SCAPER: variants seen among roughly 807,000 people sequenced by gnomAD.
SCAPER encodes the protein S phase cyclin A-associated protein in the endoplasmic reticulum.
In SCAPER, 98 loss-of-function variants were observed where a neutral mutation model predicts 182.2. The observed-to-expected ratio is 0.54, with a 90% confidence interval of 0.46 to 0.64. The LOEUF is 0.64. Ranked by LOEUF, SCAPER falls within the 30% of genes least tolerant of loss-of-function variation. The pLI, the probability that SCAPER is intolerant of heterozygous loss-of-function variation, is 0.00. For missense variants in SCAPER, 1,432 were observed against 1,690.0 expected, an observed-to-expected ratio of 0.85 and a Z score of 2.68; for synonymous variants, 605 against 564.6, an observed-to-expected ratio of 1.07 and a Z score of -1.01.
intron 26 of SCAPER, among the ~76,000 whole-genome samples, chr15:76,425,585 T>C (rs1218556057): frequency 6.6e-6 from 1 of 152,180 alleles, no homozygotes; most frequent in African/African-American, 2.4e-5. Context: ...CTCTGAGAAG[T>C]TTGATTGTCT....
chr15:76,430,607 G>A (rs1452606210), intron 26 of SCAPER, among the ~76,000 whole-genome samples: 1 of 152,194 alleles, frequency 6.6e-6, no homozygotes, highest in Non-Finnish European at 1.5e-5. Flanking sequence ...CTTTGTTTTG[G>A]CCAATTTCCC....
At chr15:76,712,505 C>T (rs374692368) in intron 17 of SCAPER, among the ~76,000 whole-genome samples, 33 of 151,880 alleles carry the variant, frequency 2.2e-4, no homozygotes, top group South Asian at 4.2e-4. Flanking sequence ...GGGGATGGCA[C>T]TGAATCTATA....
intron 25 of SCAPER, among the ~76,000 whole-genome samples, chr15:76,448,381 G>A (rs1353840890): frequency 6.6e-6 from 1 of 151,980 alleles, no homozygotes; most frequent in East Asian, 1.9e-4. Context: ...AGGGAGGGAT[G>A]GTTTAACTTT....
At chr15:76,897,509 C>T (rs1043420251) in intron 1 of SCAPER, among the ~76,000 whole-genome samples, 1 of 152,104 alleles carries the variant, frequency 6.6e-6, no homozygotes, top group Non-Finnish European at 1.5e-5. Flanking sequence ...GGTTCAAGAC[C>T]AGCCTGGACA....
chr15:76,897,943 G>T (rs549036314), intron 1 of SCAPER, among the ~76,000 whole-genome samples: 2 of 151,938 alleles, frequency 1.3e-5, no homozygotes, highest in African/African-American at 4.8e-5. Context: ...AATAATAAAC[G>T]TAAGTAGGAG....
Position 76,574,155 on chromosome 15 carries a change from C to T in SCAPER, c.2838+3G>A, listed in dbSNP as rs1194281580. 1 of 1,598,286 alleles carries T rather than the reference C, an allele frequency of 6.3e-7. No homozygotes were observed. The highest frequency in any genetic ancestry group is 1.3e-5 in the African/African-American group (1 of 74,876). ...GTTCAAAAGCCAGATATTAGTTACA[C>T]ACCTCTTTTTCCAGTATTCTAGTGA... On this transcript the variant is annotated splice_donor_region_variant and intron_variant, in intron 23 of 31. Transcript: ENST00000563290.
intron 23 of SCAPER, among the ~76,000 whole-genome samples, chr15:76,560,594 TC>T (rs772805133): frequency 1.1e-4 from 17 of 152,154 alleles, no homozygotes; most frequent in Non-Finnish European, 2.5e-4. Context: ...CTTAACTGCT[TC>T]CCTAAATACC....
At chr15:76,425,901 A>G (rs1282970008) in intron 26 of SCAPER, among the ~76,000 whole-genome samples, 1 of 152,220 alleles carries the variant, frequency 6.6e-6, no homozygotes, top group Admixed American at 6.5e-5. Context: ...TTGCCTGGGT[A>G]TCAGCAGCGG....
intron 18 of SCAPER, among the ~76,000 whole-genome samples, chr15:76,705,591 A>T (rs2059219086): frequency 6.7e-6 from 1 of 150,360 alleles, no homozygotes; most frequent in Admixed American, 6.6e-5. Context: ...TAGGATGGTT[A>T]AAAAAAAACA....
At chr15:76,386,511 C>T (rs189155864) in intron 27 of SCAPER, among the ~76,000 whole-genome samples, 12 of 151,944 alleles carry the variant, frequency 7.9e-5, no homozygotes, top group African/African-American at 2.4e-4. Context: ...TAATATGTAA[C>T]GTATGGTGTG....
intron 22 of SCAPER, among the ~76,000 whole-genome samples, chr15:76,605,204 C>T (rs2050277215): frequency 6.6e-6 from 1 of 152,164 alleles, no homozygotes; most frequent in East Asian, 1.9e-4. Context: ...CCCATCAATA[C>T]CTAACTTATT....
chr15:76,874,999 T>C (rs868849652), intron 2 of SCAPER, among the ~76,000 whole-genome samples: 16 of 152,140 alleles, frequency 1.1e-4, no homozygotes, highest in African/African-American at 3.1e-4. Context: ...TTAAGTAACA[T>C]TGTAGCAATG....
At chr15:76,749,079 C>A (rs992230483) in intron 15 of SCAPER, among the ~76,000 whole-genome samples, 2 of 151,884 alleles carry the variant, frequency 1.3e-5, no homozygotes, top group African/African-American at 4.8e-5. Flanking sequence ...CTACAGAACA[C>A]CCTCGGTCAT....
chr15:76,798,653 A>G (rs1314243859), intron 7 of SCAPER, among the ~76,000 whole-genome samples: 1 of 152,220 alleles, frequency 6.6e-6, no homozygotes, highest in African/African-American at 2.4e-5. Flanking sequence ...CAATCTTGAA[A>G]GAATCAAGAG....
intron 20 of SCAPER, among the ~76,000 whole-genome samples, chr15:76,667,966 A>C (rs1025430875): frequency 2.6e-5 from 4 of 152,038 alleles, no homozygotes; most frequent in African/African-American, 9.7e-5. Context: ...GTCTTTAAAA[A>C]AAAAACAAAA....
chr15:76,375,856 T>C (rs1177758218), intron 29 of SCAPER, among the ~76,000 whole-genome samples: 4 of 152,134 alleles, frequency 2.6e-5, no homozygotes, highest in Non-Finnish European at 5.9e-5. Context: ...GTGGTGGCGG[T>C]TGCCTGTAAT....
intron 24 of SCAPER, chr15:76,472,450 A>G (rs1016138677): frequency 1.7e-5 from 9 of 531,908 alleles, no homozygotes; most frequent in African/African-American, 7.8e-5. Context: ...ATAAAAATGC[A>G]AAATTTGTTT....
chr15:76,801,703 C>T (rs1212980103), intron 6 of SCAPER, among the ~76,000 whole-genome samples: 1 of 151,888 alleles, frequency 6.6e-6, no homozygotes, highest in East Asian at 1.9e-4. Context: ...GCAGATCACT[C>T]GAGGTCAGGA....
In SCAPER at chr15:76,890,341, G is replaced by C. The variant is rs549427463; in HGVS notation, c.-59-6465C>G. Among the ~76,000 whole-genome samples the C allele has an allele frequency of 2.8e-4, 42 of 152,156 alleles. No homozygotes were observed. In the South Asian group the frequency reaches 8.3e-3, roughly 30 times the overall value. ...TCAGAGCAGAACTGAAGGAAATAGA[G>C]ACACAAAAAACCCTTCAAAAAATAA... On this transcript the variant is annotated intron_variant, in intron 1 of 31. Coordinates refer to ENST00000563290, the MANE Select transcript of SCAPER (RefSeq NM_020843.4).
Sources: gnomAD v4.1 joint callset for allele counts (sites outside exome capture counted in the v4.1 genomes callset) on GRCh38, gnomAD v4.1.1 for gene constraint, MANE v1.5 for transcripts, NCBI Gene and HGNC (gene_info 2026-07-23, HGNC 2026-07-21) for gene names.